NCOR1: variants seen among roughly 807,000 people sequenced by gnomAD.
The protein encoded by NCOR1 is nuclear receptor corepressor 1, also known as protein phosphatase 1, regulatory subunit 109.
A neutral mutation model predicts 288.1 loss-of-function variants in NCOR1; 63 were observed. That is an observed-to-expected ratio of 0.22 (90% CI 0.18 to 0.27). The LOEUF (loss-of-function observed/expected upper bound fraction) is 0.27, where lower values mean the gene tolerates loss of function less well. Ranked by LOEUF, NCOR1 falls within the 10% of genes least tolerant of loss-of-function variation. The pLI is 1.00. For missense variants in NCOR1, 2,397 were observed against 3,019.2 expected, an observed-to-expected ratio of 0.79 and a Z score of 4.83; for synonymous variants, 1,007 against 1,065.9, an observed-to-expected ratio of 0.94 and a Z score of 1.08.
chr17:16,142,105 C>G (rs1290977704), intron 11 of NCOR1, among the ~76,000 whole-genome samples: 5 of 152,048 alleles, frequency 3.3e-5, no homozygotes, highest in African/African-American at 1.2e-4. Context: ...TAACCTAAAC[C>G]AACAATACCC....
intron 26 of NCOR1, among the ~76,000 whole-genome samples, chr17:16,079,590 C>T (rs1037386756): frequency 6.6e-6 from 1 of 152,202 alleles, no homozygotes; most frequent in Non-Finnish European, 1.5e-5. Flanking sequence ...TGAGATTCTA[C>T]AACTACATCT....
intron 18 of NCOR1, among the ~76,000 whole-genome samples, chr17:16,115,035 T>A (rs924453583): frequency 6.6e-6 from 1 of 152,130 alleles, no homozygotes; most frequent in Non-Finnish European, 1.5e-5. Context: ...TTTCCATACA[T>A]CCTCTGAAAT....
intron 18 of NCOR1, among the ~76,000 whole-genome samples, chr17:16,114,166 A>AC (rs2153095046): frequency 2.0e-5 from 3 of 149,850 alleles, no homozygotes; most frequent in African/African-American, 7.4e-5. Context: ...AAAAAAAAAA[A>AC]AAACTTGTGC....
At chr17:16,124,130 A>G (rs2153174930) in intron 15 of NCOR1, among the ~76,000 whole-genome samples, 1 of 152,356 alleles carries the variant, frequency 6.6e-6, no homozygotes, top group African/African-American at 2.4e-5. Context: ...AATGAGAAGA[A>G]TATCTGTCTC....
intron 4 of NCOR1, among the ~76,000 whole-genome samples, chr17:16,171,108 T>C (rs1207595419): frequency 1.3e-5 from 2 of 152,068 alleles, no homozygotes; most frequent in Non-Finnish European, 2.9e-5. Context: ...AAAAAAACTA[T>C]GTGAGGTGAT....
chr17:16,180,912 A>C (rs2085268580), intron 3 of NCOR1, among the ~76,000 whole-genome samples: 1 of 152,182 alleles, frequency 6.6e-6, no homozygotes, highest in Non-Finnish European at 1.5e-5. Flanking sequence ...TAATCCCAGC[A>C]CTTTGGGAGG....
At chr17:16,168,774 C>A (rs1230170736) in intron 4 of NCOR1, among the ~76,000 whole-genome samples, 3 of 151,884 alleles carry the variant, frequency 2.0e-5, no homozygotes, top group Non-Finnish European at 1.5e-5. Flanking sequence ...AGTTCGAGAC[C>A]AGCCTGGCCA....
At chr17:16,207,693 ACCGCGCC>A (rs1054283974) in intron 1 of NCOR1, among the ~76,000 whole-genome samples, 6 of 149,490 alleles carry the variant, frequency 4.0e-5, no homozygotes, top group African/African-American at 1.5e-4. Context: ...ATGAGCCGAG[ACCGCGCC>A]ACTGCACTCC....
intron 43 of NCOR1, chr17:16,040,000 G>A (rs1012805821): frequency 1.0e-5 from 4 of 390,230 alleles, no homozygotes; most frequent in Non-Finnish European, 1.9e-5. Context: ...ATATTGGTCA[G>A]GCTGATCTCG....
At chr17:16,151,470 G>C in intron 8 of NCOR1, 1 of 699,380 alleles carries the variant, frequency 1.4e-6, no homozygotes, top group Non-Finnish European at 2.2e-6. Context: ...GATTTCCCTA[G>C]AATAGGATTT....
intron 2 of NCOR1, among the ~76,000 whole-genome samples, chr17:16,187,163 TTA>T (rs1250319600): frequency 6.6e-6 from 1 of 152,022 alleles, no homozygotes; most frequent in African/African-American, 2.4e-5. Context: ...GTGAGTGTTT[TTA>T]TGTTTGTTTT....
chr17:16,199,162 A>G (rs2090369816), intron 1 of NCOR1, among the ~76,000 whole-genome samples: 1 of 150,644 alleles, frequency 6.6e-6, no homozygotes, highest in South Asian at 2.1e-4. Flanking sequence ...AAAAAAAAAA[A>G]AGTCAGTTTT....
chr17:16,138,259 AC>A (rs765280425), intron 12 of NCOR1, 47 bp from the exon 13 acceptor site: 2 of 1,499,786 alleles, frequency 1.3e-6, no homozygotes, highest in Non-Finnish European at 1.8e-6. Flanking sequence ...AAATATTTCA[AC>A]AACTAAAAAA....
chr17:16,181,219 G>GTATA (rs3030883), intron 3 of NCOR1, among the ~76,000 whole-genome samples: 1 of 79,748 alleles, frequency 1.3e-5, no homozygotes, highest in Non-Finnish European at 3.0e-5. Flanking sequence ...GTATGTGTGT[G>GTATA]TGTGTGTGTG....
intron 42 of NCOR1, among the ~76,000 whole-genome samples, chr17:16,042,343 ATTG>A (rs765228191): frequency 6.6e-6 from 1 of 152,204 alleles, no homozygotes; most frequent in Non-Finnish European, 1.5e-5. Flanking sequence ...ATTTGACTGA[ATTG>A]TTAAGATTAC....
At chr17:16,046,273 G>T (rs1172399429) in intron 42 of NCOR1, among the ~76,000 whole-genome samples, 1 of 152,138 alleles carries the variant, frequency 6.6e-6, no homozygotes, top group Non-Finnish European at 1.5e-5. Context: ...CGAGGGCAAG[G>T]CATGAATTAA....
At chr17:16,159,153 C>T (rs1482370189) in intron 5 of NCOR1, among the ~76,000 whole-genome samples, 1 of 151,818 alleles carries the variant, frequency 6.6e-6, no homozygotes, top group Non-Finnish European at 1.5e-5. Flanking sequence ...GTGGCTCATG[C>T]CTGTAATCCC....
At chr17:16,037,277 GATA>G (rs1317538444) in intron 44 of NCOR1, among the ~76,000 whole-genome samples, 4 of 152,062 alleles carry the variant, frequency 2.6e-5, no homozygotes, top group Admixed American at 1.3e-4. Flanking sequence ...CCATCACAGA[GATA>G]ATAATCATGA....
At chr17:16,147,646 C>A (rs2153355536) in intron 9 of NCOR1, among the ~76,000 whole-genome samples, 1 of 152,186 alleles carries the variant, frequency 6.6e-6, no homozygotes, top group South Asian at 2.1e-4. Context: ...AGAATATTAT[C>A]TTTCTCACAT....
Sources: allele counts gnomAD v4.1 joint callset (sites outside exome capture counted in the v4.1 genomes callset), GRCh38; gene constraint gnomAD v4.1.1; transcripts MANE v1.5; gene names NCBI Gene and HGNC (gene_info 2026-07-23, HGNC 2026-07-21).